The following SNTB1 variants were observed in gnomAD, a reference collection of about 807,000 sequenced individuals.
SNTB1 encodes beta-1-syntrophin.
In SNTB1, 36 loss-of-function variants were observed where a neutral mutation model predicts 48.9. The ratio of observed to expected loss-of-function variants is 0.74; its 90% CI spans 0.56 to 0.97. SNTB1 has a LOEUF of 0.97. Among genes scored for constraint, SNTB1 ranks in the 50% least tolerant of loss-of-function variants. SNTB1 has a pLI of 0.00. For missense variants in SNTB1, 786 were observed against 703.4 expected (o/e 1.12, Z -1.33); for synonymous variants, 299 against 294.6 (o/e 1.01, Z -0.15).
At chr8:120,688,726 C>A (rs1293442335) in intron 2 of SNTB1, among the ~76,000 whole-genome samples, 2 of 152,130 alleles carry the variant, frequency 1.3e-5, no homozygotes, top group African/African-American at 4.8e-5. Flanking sequence ...GATGCTGGAA[C>A]AGAAACGATG....
At chr8:120,722,493 C>T (rs1818679170) in intron 1 of SNTB1, among the ~76,000 whole-genome samples, 1 of 152,150 alleles carries the variant, frequency 6.6e-6, no homozygotes. Context: ...TCTCTGATGA[C>T]CAGTGACGAT....
At chr8:120,606,918 T>C (rs1318102511) in intron 3 of SNTB1, among the ~76,000 whole-genome samples, 3 of 152,124 alleles carry the variant, frequency 2.0e-5, no homozygotes, top group African/African-American at 7.2e-5. Context: ...TTACATACCA[T>C]TGTTAAGAAA....
At chr8:120,680,901 G>T (rs751327271) in intron 2 of SNTB1, among the ~76,000 whole-genome samples, 11 of 151,990 alleles carry the variant, frequency 7.2e-5, no homozygotes, top group African/African-American at 1.5e-4. Flanking sequence ...GACAGGTACG[G>T]ACATGGGCTA....
At chr8:120,805,907 C>T (rs955565122) in intron 1 of SNTB1, among the ~76,000 whole-genome samples, 1 of 152,176 alleles carries the variant, frequency 6.6e-6, no homozygotes, top group Non-Finnish European at 1.5e-5. Context: ...CACTTATTCA[C>T]GGTGTGTTTT....
At chr8:120,643,671 G>C (rs1474947899) in intron 2 of SNTB1, among the ~76,000 whole-genome samples, 2 of 152,114 alleles carry the variant, frequency 1.3e-5, no homozygotes, top group Admixed American at 6.5e-5. Flanking sequence ...TTGGTTGATG[G>C]GCATTTAGGT....
chr8:120,579,392 T>C (rs1353566583), intron 3 of SNTB1, among the ~76,000 whole-genome samples: 2 of 152,032 alleles, frequency 1.3e-5, no homozygotes, highest in African/African-American at 4.8e-5. Context: ...ATATCTAGAA[T>C]CTGGCAGGGC....
At chr8:120,543,672 G>A (rs746250642) in intron 5 of SNTB1, among the ~76,000 whole-genome samples, 22 of 152,236 alleles carry the variant, frequency 1.4e-4, no homozygotes, top group Non-Finnish European at 2.6e-4. Context: ...GACAGTAGGC[G>A]GGGAGGCCTC....
intron 1 of SNTB1, among the ~76,000 whole-genome samples, chr8:120,789,263 T>C (rs1819980952): frequency 1.3e-5 from 2 of 151,918 alleles, no homozygotes; most frequent in Admixed American, 6.6e-5. Context: ...AGAAAGTTTA[T>C]AGCACAAAAT....
chr8:120,671,180 A>AC (rs1330314530), intron 2 of SNTB1, among the ~76,000 whole-genome samples: 12 of 151,982 alleles, frequency 7.9e-5, no homozygotes, highest in African/African-American at 2.9e-4. Flanking sequence ...CACTGATATT[A>AC]CCCCCATCTC....
At chr8:120,651,063 C>T (rs1393498202) in intron 2 of SNTB1, among the ~76,000 whole-genome samples, 7 of 152,274 alleles carry the variant, frequency 4.6e-5, no homozygotes, top group South Asian at 2.1e-4. Flanking sequence ...TGAGATGTCA[C>T]AGTGCCATGC....
At chr8:120,778,233 A>C (rs1819770027) in intron 1 of SNTB1, among the ~76,000 whole-genome samples, 1 of 152,212 alleles carries the variant, frequency 6.6e-6, no homozygotes, top group Non-Finnish European at 1.5e-5. Flanking sequence ...TTTCTTCCTG[A>C]ATCTATATTT....
At chr8:120,571,306 T>G (rs1420399189) in intron 4 of SNTB1, 1 of 1,288,286 alleles carries the variant, frequency 7.8e-7, no homozygotes, top group Admixed American at 2.3e-5. Flanking sequence ...GTCTAATCTT[T>G]CTTTGGTTTC....
At chr8:120,569,569 AGAC>A (rs1281006609) in intron 4 of SNTB1, among the ~76,000 whole-genome samples, 3 of 152,192 alleles carry the variant, frequency 2.0e-5, no homozygotes, top group Non-Finnish European at 4.4e-5. Context: ...AGAGCCTGCG[AGAC>A]GACATCCCTC....
chr8:120,548,561 G>A (rs1272917007), intron 5 of SNTB1, among the ~76,000 whole-genome samples: 2 of 152,130 alleles, frequency 1.3e-5, no homozygotes, highest in African/African-American at 4.8e-5. Flanking sequence ...AATGAAGGTA[G>A]GATAAGTCTT....
chr8:120,687,368 G>T (rs1251760360), intron 2 of SNTB1, among the ~76,000 whole-genome samples: 3 of 152,170 alleles, frequency 2.0e-5, no homozygotes, highest in Non-Finnish European at 2.9e-5. Flanking sequence ...CAGGAAGAAA[G>T]AACCATGTTA....
intron 3 of SNTB1, among the ~76,000 whole-genome samples, chr8:120,605,693 G>T (rs1322517001): frequency 6.6e-6 from 1 of 152,130 alleles, no homozygotes; most frequent in Non-Finnish European, 1.5e-5. Flanking sequence ...CCTCACATTT[G>T]TTAAAACAAA....
intron 3 of SNTB1, among the ~76,000 whole-genome samples, chr8:120,590,680 CTTTTCTTTT>C (rs1816225703): frequency 7.6e-6 from 1 of 131,006 alleles, no homozygotes; most frequent in African/African-American, 3.4e-5. Flanking sequence ...GTTTTCTTTT[CTTTTCTTTT>C]TTTTTTTTTT....
rs1414558684 is a variant in SNTB1, at chr8:120,536,734, C to G, written c.*2143G>C. ...TGTAGAGAATGTAGTTTCCATTGAC[C>G]CCCACACAGATATTAATCAGCCCAA... On this transcript the variant is annotated 3_prime_UTR_variant, in exon 7 of 7. Coordinates refer to ENST00000517992, the MANE Select transcript of SNTB1 (RefSeq NM_021021.4). 3 of 151,434 alleles carry G rather than the reference C, an allele frequency of 2.0e-5. No individual in the cohort carries two copies. Among genetic ancestry groups the G allele is most frequent in the East Asian group, 1.9e-4 (1 of 5,174 alleles). 9.4% of individuals were successfully genotyped at this position (151,434 alleles called of 1,614,324 possible). A position where few individuals can be genotyped will look rare whatever the true frequency, so the allele number is the denominator to read the frequency against.
At chr8:120,736,737 C>G (rs1451041399) in intron 1 of SNTB1, among the ~76,000 whole-genome samples, 1 of 152,158 alleles carries the variant, frequency 6.6e-6, no homozygotes, top group Non-Finnish European at 1.5e-5. Context: ...AACACTGAAG[C>G]CTTAGAAACA....
Sources: allele counts gnomAD v4.1 joint callset (sites outside exome capture counted in the v4.1 genomes callset), GRCh38; gene constraint gnomAD v4.1.1; transcripts MANE v1.5; gene names NCBI Gene and HGNC (gene_info 2026-07-23, HGNC 2026-07-21).